Variants in DRC7 observed in about 807,000 individuals in gnomAD.
The protein encoded by DRC7 is coiled-coil domain containing 135.
Under a neutral mutation model 104.4 loss-of-function variants are expected in DRC7, and 80 were observed. The ratio of observed to expected loss-of-function variants is 0.77; its 90% CI spans 0.64 to 0.92. The LOEUF (loss-of-function observed/expected upper bound fraction) is 0.92, where lower values mean the gene tolerates loss of function less well. DRC7 is among the 40% of genes least tolerant of loss of function. The pLI is 0.00. For synonymous variants in DRC7, 405 were observed against 447.3 expected (o/e 0.91, Z 1.19); for missense variants, 1,034 against 1,141.1 (o/e 0.91, Z 1.35).
At position 57,721,649 on chromosome 16, in the gene DRC7, C is replaced by T. The variant is rs1338807985; in HGVS notation, c.1207-18C>T. ...CCCTGACCAGCACCACCTCCCCCACCCCCTTCTCTCCCATCAGGGCAAGGA... is the reference window on the plus strand; with the variant it reads ...CCCTGACCAGCACCACCTCCCCCACTCCCTTCTCTCCCATCAGGGCAAGGA... On this transcript the variant is annotated intron_variant, in intron 9 of 18. Transcript: ENST00000360716. 3.1e-6 allele frequency: 5 copies of T among 1,602,324 alleles called. No individual in the cohort carries two copies. The African/African-American group carries it at 4.0e-5, about 13-fold the overall frequency.
At chr16:57,720,229 C>T (rs2048888624) in intron 9 of DRC7, among the ~76,000 whole-genome samples, 1 of 152,232 alleles carries the variant, frequency 6.6e-6, no homozygotes, top group Admixed American at 6.5e-5. Flanking sequence ...AGCGATACAG[C>T]TGGTAAGTGA....
intron 13 of DRC7, 84 bp from the exon 14 acceptor site, chr16:57,725,984 G>C: frequency 8.3e-7 from 1 of 1,203,290 alleles, no homozygotes. Flanking sequence ...CTGAACGTTC[G>C]TTGCTCCTGC....
At chr16:57,706,878 T>C (rs2048738732) in intron 7 of DRC7, among the ~76,000 whole-genome samples, 1 of 151,114 alleles carries the variant, frequency 6.6e-6, no homozygotes, top group East Asian at 2.0e-4. Flanking sequence ...CCCTCTCTCC[T>C]CCCATGCATC....
intron 7 of DRC7, among the ~76,000 whole-genome samples, chr16:57,705,465 CCTCCCATCTGTCCAT>C (rs1567874956): frequency 1.3e-5 from 2 of 150,278 alleles, no homozygotes; most frequent in African/African-American, 4.9e-5. Context: ...TCCCATTCAT[CCTCCCATCTGTCCAT>C]CTCCCATCCA....
rs1567892275 is a variant in DRC7, at chr16:57,731,272, G to T, written c.*14G>T. ...ATATTCGCTTGATGTCCCTCCTGGG[G>T]CCTCAGCCAGAGCTGCCAGAGAAAG... On this transcript the variant is annotated 3_prime_UTR_variant, in exon 19 of 19. Transcript: ENST00000360716. 1 of 1,603,154 alleles carries T rather than the reference G, an allele frequency of 6.2e-7. No homozygotes were observed. The highest frequency in any genetic ancestry group is 1.1e-5 in the South Asian group (1 of 90,854).
intron 9 of DRC7, among the ~76,000 whole-genome samples, chr16:57,720,537 T>G (rs1173639236): frequency 6.6e-6 from 1 of 152,056 alleles, no homozygotes; most frequent in East Asian, 1.9e-4. Flanking sequence ...ATCAAACAGT[T>G]CCAGTCACAG....
In DRC7 at chr16:57,728,916, G is replaced by A. The variant is rs2049008791; in HGVS notation, c.2391+332G>A. On this transcript the variant is annotated intron_variant, in intron 17 of 18. Transcript: ENST00000360716. ...TGGATTGATGGGTAGATAGAGGGAT[G>A]GGTGGGTGCATGAACAGATGGGTGG... Among the ~76,000 whole-genome samples, 3 of 151,652 alleles carry A rather than the reference G, an allele frequency of 2.0e-5. 1 individual carries two copies. The South Asian group carries it at 6.3e-4, about 32-fold the overall frequency.
intron 8 of DRC7, chr16:57,714,063 CT>C: frequency 4.7e-6 from 1 of 215,036 alleles, no homozygotes; most frequent in Non-Finnish European, 9.8e-6. Flanking sequence ...TCTCATCTTC[CT>C]TTGACCGAGT....
chr16:57,729,862 GTGGA>G (rs1173988087), intron 17 of DRC7, among the ~76,000 whole-genome samples: 3 of 135,940 alleles, frequency 2.2e-5, no homozygotes, highest in African/African-American at 8.3e-5. Context: ...GGATGGATGG[GTGGA>G]TGGATGGATG....
rs1292949884 is a variant in DRC7 at position 57,707,609 on chromosome 16, G to C, written c.1008G>C (p.Leu336=). 8 of 1,613,582 alleles carry C rather than the reference G, an allele frequency of 5.0e-6. No individual in the cohort carries two copies. The highest frequency in any genetic ancestry group is 5.9e-6 in the Non-Finnish European group (7 of 1,179,996). ...ACAGCACCCAGGATGAGCACTTCCT[G>C]GGCATCGAAAGCCTGTGGAACCACA... is the stretch of plus-strand genomic sequence containing the variant. ...HSYSTQDEHF[L]GIESLWNHKN... The change falls in exon 8 of 19, where the codon CTG becomes CTC. Residue 336 remains leucine, a synonymous_variant. Transcript: ENST00000360716.
chr16:57,729,265 A>G (rs1188303346), intron 17 of DRC7, among the ~76,000 whole-genome samples: 17 of 83,178 alleles, frequency 2.0e-4, no homozygotes, highest in East Asian at 4.0e-4. Flanking sequence ...TAGATGGGTG[A>G]ATGGATGGAT....
intron 8 of DRC7, among the ~76,000 whole-genome samples, chr16:57,710,557 C>T (rs1300943103): frequency 6.6e-6 from 1 of 152,150 alleles, no homozygotes; most frequent in Non-Finnish European, 1.5e-5. Context: ...GAAAGCAAAC[C>T]TGTTTATTCC....
intron 8 of DRC7, among the ~76,000 whole-genome samples, chr16:57,717,703 A>G (rs1211848259): frequency 1.3e-5 from 2 of 151,932 alleles, no homozygotes; most frequent in Admixed American, 1.3e-4. Context: ...TGTCTCAAAA[A>G]AAAAAAAGAA....
At chr16:57,707,984 C>G (rs4784852) in intron 8 of DRC7, 65,500 of 414,130 alleles carry the variant, frequency 0.16, 5,578 homozygotes, top group East Asian at 0.29. Context: ...TGCATACATA[C>G]AGTTCAGTGA....
At chr16:57,726,354 C>A in intron 14 of DRC7, 71 bp downstream of exon 14, 1 of 1,346,026 alleles carries the variant, frequency 7.4e-7, no homozygotes, top group South Asian at 1.2e-5. Flanking sequence ...TTATTCCAGC[C>A]ACTTGGGAGA....
Position 57,700,192 on chromosome 16 carries a change from G to A in DRC7, c.426G>A (p.Glu142=). 1 of 1,614,088 alleles carries A rather than the reference G, an allele frequency of 6.2e-7. No homozygotes were observed. The highest frequency in any genetic ancestry group is 8.5e-7 in the Non-Finnish European group (1 of 1,180,010). The change falls in exon 5 of 19, where the codon GAG becomes GAA. Residue 142 remains glutamate, a synonymous_variant. Transcript: ENST00000360716. The stretch of plus-strand genomic sequence containing the variant: ...GGCCCACACTGATGCCCTACCCCGA[G>A]CTCTACAACTGGGACAGCTGTGCCC... The part of the protein sequence containing the change: ...TLRPTLMPYP[E]LYNWDSCAQF...
intron 2 of DRC7, 50 bp from the exon 3 acceptor site, chr16:57,697,863 C>G: frequency 6.5e-7 from 1 of 1,534,428 alleles, no homozygotes; most frequent in South Asian, 1.3e-5. Flanking sequence ...GTTGGTGGCT[C>G]CTGCCTGGGC....
chr16:57,727,902 A>G (rs889722798), intron 16 of DRC7, among the ~76,000 whole-genome samples: 4 of 152,248 alleles, frequency 2.6e-5, no homozygotes, highest in Non-Finnish European at 4.4e-5. Context: ...TGGGCATCAG[A>G]TGACTGTTCT....
Position 57,724,731 on chromosome 16 carries a change from T to C in DRC7, c.1654T>C (p.Tyr552His), listed in dbSNP as rs1323651512. 1 of 1,613,912 alleles carries C rather than the reference T, an allele frequency of 6.2e-7. No homozygotes were observed. Among genetic ancestry groups the C allele is most frequent in the Middle Eastern group, 1.6e-4 (1 of 6,062 alleles). ...GACACCCAGGACAATGACAGAGTAC[T>C]ATCAAGGACGCCCAGACTTCCTCTC... The part of the protein sequence containing the change: ...EETPRTMTEY[Y>H]QGRPDFLSYR... The change falls in exon 13 of 19, where the codon TAT becomes CAT. Residue 552 changes from tyrosine to histidine, a missense_variant. Tyr to His is a moderately conservative substitution (Grantham distance 83). Coordinates refer to ENST00000360716, the MANE Select transcript of DRC7 (RefSeq NM_001289162.2).
Sources: allele counts gnomAD v4.1 joint callset (sites outside exome capture counted in the v4.1 genomes callset), GRCh38; gene constraint gnomAD v4.1.1; transcripts MANE v1.5; gene names NCBI Gene and HGNC (gene_info 2026-07-23, HGNC 2026-07-21).